Variants in UPK1B observed in about 807,000 individuals in gnomAD.
UPK1B encodes uroplakin-1b.
Under a neutral mutation model 34.2 loss-of-function variants are expected in UPK1B, and 28 were observed. That is an observed-to-expected ratio of 0.82 (90% CI 0.61 to 1.12). The LOEUF (loss-of-function observed/expected upper bound fraction) is 1.12, where lower values mean the gene tolerates loss of function less well. Ranked by LOEUF, UPK1B falls within the 50% of genes most tolerant of loss-of-function variation. The pLI is 0.00. For synonymous variants in UPK1B, 81 were observed against 110.4 expected (o/e 0.73, Z 1.67); for missense variants, 325 against 320.9 (o/e 1.01, Z -0.10).
chr3:119,190,676 T>C (rs112709875), intron 4 of UPK1B, among the ~76,000 whole-genome samples: 6,783 of 152,336 alleles, frequency 0.045, 277 homozygotes, highest in Admixed American at 0.15. Flanking sequence ...ATCTCTGTTC[T>C]ACCTCAGCTA....
chr3:119,187,714 C>A, intron 2 of UPK1B, 61 bp from the exon 3 acceptor site: 5 of 1,511,762 alleles, frequency 3.3e-6, no homozygotes, highest in Non-Finnish European at 2.8e-6. Flanking sequence ...ACCTTCCCCA[C>A]CCTCCACCCC....
At chr3:119,200,989 T>TTAG (rs1202118534) in intron 7 of UPK1B, among the ~76,000 whole-genome samples, 1 of 152,236 alleles carries the variant, frequency 6.6e-6, no homozygotes, top group Non-Finnish European at 1.5e-5. Flanking sequence ...TGTAATAAAA[T>TTAG]TAGTAGTTCT....
intron 1 of UPK1B, among the ~76,000 whole-genome samples, chr3:119,175,089 G>A (rs929960957): frequency 5.7e-5 from 7 of 122,488 alleles, no homozygotes; most frequent in Non-Finnish European, 7.9e-5. Context: ...GTGCAGTGGC[G>A]TGATCTCTGC....
At chr3:119,188,221 A>G (rs779473262) in intron 3 of UPK1B, among the ~76,000 whole-genome samples, 1 of 152,140 alleles carries the variant, frequency 6.6e-6, no homozygotes, top group Non-Finnish European at 1.5e-5. Flanking sequence ...TGACCTAATG[A>G]GTATTTTCCA....
chr3:119,203,033 G>A (rs927535640), intron 7 of UPK1B, among the ~76,000 whole-genome samples: 10 of 152,066 alleles, frequency 6.6e-5, no homozygotes, highest in East Asian at 1.9e-4. Flanking sequence ...TGCTTATAAC[G>A]AGATTACTCT....
rs1232699475 is a variant in UPK1B, at chr3:119,199,126, A to G, written c.718A>G (p.Ile240Val). The change falls in exon 7 of 8, where the codon ATT (isoleucine) becomes GTT (valine). Residue 240 changes from isoleucine (I) to valine (V), a missense_variant. Ile to Val is a conservative substitution (Grantham distance 29). Coordinates refer to ENST00000264234, the MANE Select transcript of UPK1B (RefSeq NM_006952.4). ...AWGVAWFGFA[I>V]LCWTFWVLLG... ...GGGGGTTGCCTGGTTTGGATTTGCC[A>G]TTCTCTGCTGGACTGTGAGTATTTC... is the stretch of plus-strand genomic sequence containing the variant. The G allele has an allele frequency of 8.7e-6, 14 of 1,614,158 alleles. No homozygotes were observed. The highest frequency in any genetic ancestry group is 1.1e-5 in the Non-Finnish European group (13 of 1,180,012).
At chr3:119,179,743 G>C (rs553589265) in intron 1 of UPK1B, among the ~76,000 whole-genome samples, 2 of 141,708 alleles carry the variant, frequency 1.4e-5, no homozygotes, top group African/African-American at 5.3e-5. Flanking sequence ...TCCTGACCTC[G>C]TGATCCACCC....
chr3:119,198,707 C>A (rs1003152902), intron 6 of UPK1B, among the ~76,000 whole-genome samples: 1 of 152,120 alleles, frequency 6.6e-6, no homozygotes, highest in South Asian at 2.1e-4. Context: ...AAATCACCAA[C>A]GAAGCCTTTG....
At chr3:119,179,776 G>T (rs1488079655) in intron 1 of UPK1B, among the ~76,000 whole-genome samples, 1 of 139,792 alleles carries the variant, frequency 7.2e-6, no homozygotes, top group Non-Finnish European at 1.5e-5. Flanking sequence ...CAGAGTGCGG[G>T]GATTACAGGC....
intron 1 of UPK1B, among the ~76,000 whole-genome samples, chr3:119,179,025 G>T (rs2077972670): frequency 6.6e-6 from 1 of 152,030 alleles, no homozygotes; most frequent in Non-Finnish European, 1.5e-5. Flanking sequence ...TTCAGAGATA[G>T]AACCAAAAGG....
intron 6 of UPK1B, among the ~76,000 whole-genome samples, chr3:119,196,537 T>TTC (rs2078068376): frequency 3.7e-5 from 1 of 26,894 alleles, no homozygotes; most frequent in African/African-American, 1.9e-4. Context: ...TTCTTTTTCT[T>TTC]TTTTTTTTTT....
At chr3:119,178,016 T>G in intron 1 of UPK1B, among the ~76,000 whole-genome samples, 2 of 133,972 alleles carry the variant, frequency 1.5e-5, no homozygotes, top group Admixed American at 8.4e-5. Flanking sequence ...TAGGCAGAAA[T>G]GGGAGAAGGG....
chr3:119,196,943 G>A (rs779852035), intron 6 of UPK1B, among the ~76,000 whole-genome samples: 2 of 152,056 alleles, frequency 1.3e-5, no homozygotes, highest in South Asian at 2.1e-4. Context: ...TCCTGGGCTC[G>A]AGTGATCCTC....
At chr3:119,200,656 C>A (rs567748841) in intron 7 of UPK1B, among the ~76,000 whole-genome samples, 7 of 152,258 alleles carry the variant, frequency 4.6e-5, no homozygotes, top group African/African-American at 1.4e-4. Flanking sequence ...ATCAAGTTCA[C>A]GGTGACAACT....
At chr3:119,193,196 TG>T (rs751846550) in intron 5 of UPK1B, among the ~76,000 whole-genome samples, 1 of 152,232 alleles carries the variant, frequency 6.6e-6, no homozygotes, top group Non-Finnish European at 1.5e-5. Flanking sequence ...AGCTCAATTT[TG>T]GACCCTTAAA....
chr3:119,181,039 T>G, intron 1 of UPK1B, among the ~76,000 whole-genome samples: 1 of 152,238 alleles, frequency 6.6e-6, no homozygotes, highest in East Asian at 1.9e-4. Context: ...ACATCACTTT[T>G]GAGTGTCCTC....
chr3:119,186,208 CTTTT>C (rs2078018915), intron 1 of UPK1B, among the ~76,000 whole-genome samples: 2 of 152,140 alleles, frequency 1.3e-5, no homozygotes, highest in Admixed American at 1.3e-4. Flanking sequence ...CAACGGGGCA[CTTTT>C]TTATTTGCCA....
intron 2 of UPK1B, 151 bp downstream of exon 2, chr3:119,186,961 T>A: frequency 1.4e-6 from 1 of 740,258 alleles, no homozygotes; most frequent in South Asian, 1.9e-5. Context: ...GTAAATATGC[T>A]AGCTAGAATT....
In UPK1B at chr3:119,203,159, G is replaced by A. The variant is rs557161106; in HGVS notation, c.733-758G>A. ...AGATCGAGACCATCCTGGCTAACAC[G>A]GTGAAACCCCGTCTCTACTAAAAAT... On this transcript the variant is annotated intron_variant, in intron 7 of 7. Coordinates refer to ENST00000264234, the MANE Select transcript of UPK1B (RefSeq NM_006952.4). Among the ~76,000 whole-genome samples the A allele has an allele frequency of 5.3e-3, 809 of 151,880 alleles. 7 individuals are homozygous for A. Among genetic ancestry groups the A allele is most frequent in the African/African-American group, 0.019 (769 of 41,418 alleles).
Sources: gnomAD v4.1 joint callset for allele counts (sites outside exome capture counted in the v4.1 genomes callset) on GRCh38, gnomAD v4.1.1 for gene constraint, MANE v1.5 for transcripts, NCBI Gene and HGNC (gene_info 2026-07-23, HGNC 2026-07-21) for gene names.